Variants in CMSS1 observed in about 807,000 individuals in gnomAD.
CMSS1 encodes the protein cms1 ribosomal small subunit homolog.
In CMSS1, 33 loss-of-function variants were observed where a neutral mutation model predicts 43.5. The ratio of observed to expected loss-of-function variants is 0.76; its 90% confidence interval spans 0.57 to 1.01. The LOEUF is 1.01. Among genes scored for constraint, CMSS1 ranks in the 50% least tolerant of loss-of-function variants. The pLI is 0.00. For missense variants in CMSS1, 313 were observed against 326.4 expected, an observed-to-expected ratio of 0.96 and a Z score of 0.32; for synonymous variants, 115 against 117.2, an observed-to-expected ratio of 0.98 and a Z score of 0.12.
chr3:100,056,490 A>G (rs111868073), intron 1 of CMSS1, among the ~76,000 whole-genome samples: 62 of 152,342 alleles, frequency 4.1e-4, no homozygotes, highest in African/African-American at 1.5e-3. Context: ...ACAAAAGTTT[A>G]TAATCTGCTC....
At chr3:99,827,341 A>G (rs377052518) in intron 1 of CMSS1, among the ~76,000 whole-genome samples, 23 of 151,830 alleles carry the variant, frequency 1.5e-4, no homozygotes, top group Middle Eastern at 6.9e-3. Context: ...ACAGCCATGC[A>G]CCACCAAGCC....
intron 1 of CMSS1, among the ~76,000 whole-genome samples, chr3:99,912,624 T>G (rs971300049): frequency 6.6e-6 from 1 of 152,146 alleles, no homozygotes; most frequent in African/African-American, 2.4e-5. Flanking sequence ...GCAGTCCACC[T>G]GCCTCAGCCT....
intron 1 of CMSS1, among the ~76,000 whole-genome samples, chr3:99,953,958 T>C (rs1206307846): frequency 6.6e-6 from 1 of 152,238 alleles, no homozygotes; most frequent in Non-Finnish European, 1.5e-5. Context: ...TGTAAGTCTC[T>C]TAAAGCTCCC....
intron 1 of CMSS1, among the ~76,000 whole-genome samples, chr3:99,941,315 A>G (rs1315332773): frequency 1.3e-5 from 2 of 152,246 alleles, no homozygotes; most frequent in Non-Finnish European, 2.9e-5. Context: ...AGTAAATACA[A>G]AATACTAGGA....
chr3:99,982,772 C>T (rs1709165715), intron 1 of CMSS1, among the ~76,000 whole-genome samples: 4 of 152,310 alleles, frequency 2.6e-5, no homozygotes, highest in African/African-American at 7.2e-5. Flanking sequence ...GATCCTTCCT[C>T]ATTTTTCAAA....
In CMSS1 at chr3:100,160,473, A is replaced by ATACCACCAAGACCAGGAAAAG; in HGVS notation, c.198_218dup (p.Lys72_Arg73insSerThrThrLysThrArgLys). The ATACCACCAAGACCAGGAAAAG allele has an allele frequency of 2.0e-6, 3 of 1,517,002 alleles. 1 individual carries two copies. Among genetic ancestry groups the ATACCACCAAGACCAGGAAAAG allele is most frequent in the Non-Finnish European group, 2.7e-6 (3 of 1,095,232 alleles). The allele number at this position is 1,517,002 out of a possible 1,614,324, so 94.0% of individuals were successfully genotyped here. A position where few individuals can be genotyped will look rare whatever the true frequency, so the allele number is the denominator to read the frequency against. On this transcript the variant is annotated inframe_insertion, in exon 3 of 10. Transcript: ENST00000421999. Reference sequence around the variant, plus strand: ...ATACAACCAAAGGAAAGAAAAGAGAATACCACCAAGACCAGGAAAAGAAGA... The same window carrying ATACCACCAAGACCAGGAAAAG: ...ATACAACCAAAGGAAAGAAAAGAGAATACCACCAAGACCAGGAAAAGTACCACCAAGACCAGGAAAAGAAGA...
At chr3:99,864,830 A>G (rs1576527176) in intron 1 of CMSS1, among the ~76,000 whole-genome samples, 1 of 152,086 alleles carries the variant, frequency 6.6e-6, no homozygotes, top group Non-Finnish European at 1.5e-5. Context: ...ACCATCTGGC[A>G]TACTATATTT....
chr3:99,856,051 T>C (rs906275780), intron 1 of CMSS1, among the ~76,000 whole-genome samples: 1 of 152,228 alleles, frequency 6.6e-6, no homozygotes, highest in Admixed American at 6.5e-5. Flanking sequence ...AACAAGGCAC[T>C]GCTCCATCCA....
chr3:99,818,270 C>A (rs1161845966), intron 1 of CMSS1, among the ~76,000 whole-genome samples: 1 of 152,246 alleles, frequency 6.6e-6, no homozygotes, highest in East Asian at 1.9e-4. Flanking sequence ...GGATCCTTTC[C>A]ACAAGCTTTC....
chr3:100,023,892 A>T (rs1306357155), intron 1 of CMSS1, among the ~76,000 whole-genome samples: 1 of 152,204 alleles, frequency 6.6e-6, no homozygotes, highest in African/African-American at 2.4e-5. Context: ...TTTAGCAAAC[A>T]TTTTTAAAAC....
intron 1 of CMSS1, chr3:99,850,939 T>C (rs767010369): frequency 6.2e-6 from 10 of 1,614,110 alleles, no homozygotes; most frequent in African/African-American, 2.7e-5. Context: ...CAGCCTTTGC[T>C]GTTCATCCAC....
chr3:100,050,171 A>G (rs1489866786), intron 1 of CMSS1, among the ~76,000 whole-genome samples: 5 of 152,184 alleles, frequency 3.3e-5, no homozygotes, highest in Admixed American at 2.0e-4. Flanking sequence ...ATTTACCAGC[A>G]TTTCTGGTAG....
At chr3:99,936,204 T>C (rs1424418711) in intron 1 of CMSS1, among the ~76,000 whole-genome samples, 2 of 151,994 alleles carry the variant, frequency 1.3e-5, no homozygotes, top group Non-Finnish European at 2.9e-5. Flanking sequence ...TCATTTAATA[T>C]GGTATCGAGG....
At chr3:99,958,676 CA>C (rs1241669000) in intron 1 of CMSS1, among the ~76,000 whole-genome samples, 1 of 152,094 alleles carries the variant, frequency 6.6e-6, no homozygotes, top group Non-Finnish European at 1.5e-5. Flanking sequence ...GAGCTGGGGG[CA>C]GAGCAGGCAG....
chr3:100,062,848 C>A (rs1429520023), intron 1 of CMSS1, among the ~76,000 whole-genome samples: 1 of 152,178 alleles, frequency 6.6e-6, no homozygotes, highest in East Asian at 1.9e-4. Context: ...GATGACTAGT[C>A]CCCCAACTCT....
At chr3:99,944,191 G>A (rs1456533270) in intron 1 of CMSS1, among the ~76,000 whole-genome samples, 3 of 152,198 alleles carry the variant, frequency 2.0e-5, no homozygotes, top group Non-Finnish European at 2.9e-5. Context: ...AGTATTTTAA[G>A]AGTGTGTGTT....
At chr3:99,925,589 T>G (rs1707266649) in intron 1 of CMSS1, among the ~76,000 whole-genome samples, 1 of 152,158 alleles carries the variant, frequency 6.6e-6, no homozygotes. Flanking sequence ...TAAAAAAAAT[T>G]TTTGATTAAC....
intron 1 of CMSS1, among the ~76,000 whole-genome samples, chr3:100,014,836 C>CT (rs572687676): frequency 1.1e-5 from 1 of 92,142 alleles, no homozygotes; most frequent in Non-Finnish European, 2.2e-5. Flanking sequence ...TGTGTCAAAA[C>CT]TTTTTATCTG....
intron 1 of CMSS1, among the ~76,000 whole-genome samples, chr3:100,135,663 A>C (rs2066747587): frequency 6.6e-6 from 1 of 152,052 alleles, no homozygotes; most frequent in Non-Finnish European, 1.5e-5. Flanking sequence ...TGCATATTTA[A>C]AAATAAGTGA....
Sources: gnomAD v4.1 joint callset for allele counts (sites outside exome capture counted in the v4.1 genomes callset) on GRCh38, gnomAD v4.1.1 for gene constraint, MANE v1.5 for transcripts, NCBI Gene and HGNC (gene_info 2026-07-23, HGNC 2026-07-21) for gene names.